Variants in PDE4D observed in about 807,000 individuals in gnomAD.
PDE4D encodes 3',5'-cyclic-AMP phosphodiesterase 4D.
In PDE4D, 24 loss-of-function variants were observed where a neutral mutation model predicts 87.4. That is an observed-to-expected ratio of 0.27 (90% CI 0.20 to 0.39). The LOEUF (loss-of-function observed/expected upper bound fraction) is 0.39. PDE4D is among the 10% of genes least tolerant of loss of function. The pLI, the probability that PDE4D is intolerant of heterozygous loss-of-function variation, is 1.00. For missense variants in PDE4D, 714 were observed against 1,041.0 expected, an observed-to-expected ratio of 0.69 and a Z score of 4.32; for synonymous variants, 384 against 383.2, an observed-to-expected ratio of 1.00 and a Z score of -0.02.
chr5:59,215,489 T>G, intron 2 of PDE4D: 1 of 362,080 alleles, frequency 2.8e-6, no homozygotes, highest in Non-Finnish European at 5.0e-6. Context: ...TAAGTGTTAG[T>G]TTCCATTAAA....
chr5:60,229,045 A>G (rs1436600070), intron 1 of PDE4D, among the ~76,000 whole-genome samples: 1 of 152,152 alleles, frequency 6.6e-6, no homozygotes, highest in East Asian at 1.9e-4. Context: ...GATCAATTTA[A>G]AACAATTTCA....
intron 1 of PDE4D, among the ~76,000 whole-genome samples, chr5:59,311,262 C>T (rs1772539468): frequency 6.6e-6 from 1 of 151,942 alleles, no homozygotes; most frequent in South Asian, 2.1e-4. Flanking sequence ...CGTGGTGGCT[C>T]ATGCTTATAA....
intron 1 of PDE4D, among the ~76,000 whole-genome samples, chr5:59,293,811 C>T (rs1768520588): frequency 1.3e-5 from 2 of 152,142 alleles, no homozygotes; most frequent in Non-Finnish European, 2.9e-5. Flanking sequence ...ACTCTCCTGA[C>T]CCCATGGGAG....
chr5:59,800,401 G>A (rs1333040573), intron 1 of PDE4D, among the ~76,000 whole-genome samples: 2 of 152,020 alleles, frequency 1.3e-5, no homozygotes, highest in African/African-American at 4.8e-5. Flanking sequence ...ACACTATATA[G>A]TAAATGAAGA....
chr5:59,836,615 G>GATCTATCTATCT, intron 1 of PDE4D, among the ~76,000 whole-genome samples: 1 of 102,472 alleles, frequency 9.8e-6, no homozygotes, highest in Admixed American at 9.7e-5. Context: ...CCACTTCCAA[G>GATCTATCTATCT]ATGTATCTAT....
upstream of PDE4D, among the ~76,000 whole-genome samples, chr5:59,896,498 T>C (rs563208011): frequency 2.3e-4 from 35 of 152,334 alleles, no homozygotes; most frequent in South Asian, 7.3e-3. Flanking sequence ...TGAGGCTTTA[T>C]ACTTTTACCA....
At chr5:59,360,072 T>C (rs1781969434) in intron 1 of PDE4D, among the ~76,000 whole-genome samples, 2 of 152,150 alleles carry the variant, frequency 1.3e-5, no homozygotes, top group African/African-American at 4.8e-5. Flanking sequence ...AGATTCCAGA[T>C]GTTACAAATG....
At chr5:60,231,610 C>A (rs756184666) in intron 1 of PDE4D, among the ~76,000 whole-genome samples, 2 of 151,836 alleles carry the variant, frequency 1.3e-5, no homozygotes, top group African/African-American at 2.4e-5. Flanking sequence ...GAACAATACA[C>A]GGGAACATCT....
chr5:59,972,609 A>G (rs1190172858), intron 3 of PDE4D, among the ~76,000 whole-genome samples: 2 of 152,214 alleles, frequency 1.3e-5, no homozygotes, highest in Non-Finnish European at 2.9e-5. Context: ...CCAAGCAAAA[A>G]TAACTTAGGT....
chr5:59,133,516 A>G (rs1046329203), intron 5 of PDE4D, among the ~76,000 whole-genome samples: 1 of 152,204 alleles, frequency 6.6e-6, no homozygotes, highest in African/African-American at 2.4e-5. Context: ...ACATCAGGAC[A>G]TTACAAAAGC....
chr5:59,517,207 T>C (rs1459963446), intron 1 of PDE4D, among the ~76,000 whole-genome samples: 1 of 152,200 alleles, frequency 6.6e-6, no homozygotes, highest in Non-Finnish European at 1.5e-5. Context: ...ATTAAACATG[T>C]AGTATAGACA....
At chr5:59,876,923 C>T (rs893181935) in intron 1 of PDE4D, among the ~76,000 whole-genome samples, 2 of 152,016 alleles carry the variant, frequency 1.3e-5, no homozygotes, top group Non-Finnish European at 2.9e-5. Flanking sequence ...AACAAAAATA[C>T]ATAGTAATTG....
At chr5:59,946,451 A>G (rs1015083784) in intron 3 of PDE4D, among the ~76,000 whole-genome samples, 17 of 152,356 alleles carry the variant, frequency 1.1e-4, no homozygotes, top group African/African-American at 3.6e-4. Flanking sequence ...TTGACAAGAA[A>G]TAAGAGATCA....
intron 1 of PDE4D, among the ~76,000 whole-genome samples, chr5:60,271,532 A>G (rs1750805284): frequency 6.6e-6 from 1 of 152,204 alleles, no homozygotes; most frequent in Non-Finnish European, 1.5e-5. Context: ...TGAGAGGAAA[A>G]TTGACTGGTT....
At chr5:60,082,791 C>A (rs1774097529) in intron 2 of PDE4D, among the ~76,000 whole-genome samples, 3 of 152,094 alleles carry the variant, frequency 2.0e-5, no homozygotes, top group African/African-American at 7.2e-5. Flanking sequence ...TTGTGCCATT[C>A]TCTCTCCTAC....
intron 5 of PDE4D, among the ~76,000 whole-genome samples, chr5:59,099,689 A>T (rs1392923600): frequency 2.6e-5 from 4 of 152,232 alleles, no homozygotes; most frequent in African/African-American, 9.6e-5. Flanking sequence ...AGACAAACAC[A>T]TGATTATGGT....
intron 1 of PDE4D, among the ~76,000 whole-genome samples, chr5:60,226,189 A>G (rs924477059): frequency 6.6e-6 from 1 of 152,138 alleles, no homozygotes; most frequent in Non-Finnish European, 1.5e-5. Flanking sequence ...CAACCTGTAA[A>G]TTGACCATTA....
chr5:60,346,353 C>T (rs935831076), intron 1 of PDE4D, among the ~76,000 whole-genome samples: 1 of 152,126 alleles, frequency 6.6e-6, no homozygotes. Context: ...AATCTGTTGA[C>T]ATTCAGAAAG....
chr5:59,375,972 T>G (rs1243242307), intron 1 of PDE4D, among the ~76,000 whole-genome samples: 1 of 152,184 alleles, frequency 6.6e-6, no homozygotes, highest in African/African-American at 2.4e-5. Context: ...AAAATGCCTT[T>G]GATAAAATTC....
Sources: allele counts gnomAD v4.1 joint callset (sites outside exome capture counted in the v4.1 genomes callset), GRCh38; gene constraint gnomAD v4.1.1; transcripts MANE v1.5; gene names NCBI Gene and HGNC (gene_info 2026-07-23, HGNC 2026-07-21).